The following JMJD1C variants were observed in gnomAD, a reference collection of about 807,000 sequenced individuals.
JMJD1C encodes jumonji domain-containing protein 1C.
A neutral mutation model predicts 245.3 loss-of-function variants in JMJD1C; 31 were observed. The observed-to-expected ratio is 0.13, with a 90% CI of 0.09 to 0.17. The LOEUF (loss-of-function observed/expected upper bound fraction) is 0.17. JMJD1C is among the 10% of genes least tolerant of loss of function. The pLI, the probability that JMJD1C is intolerant of heterozygous loss-of-function variation, is 1.00. For missense variants in JMJD1C, 2,691 were observed against 3,000.2 expected, an observed-to-expected ratio of 0.90 and a Z score of 2.41; for synonymous variants, 1,057 against 1,017.4, an observed-to-expected ratio of 1.04 and a Z score of -0.74.
intron 3 of JMJD1C, among the ~76,000 whole-genome samples, chr10:63,244,226 C>A (rs1851877483): frequency 6.6e-6 from 1 of 152,088 alleles, no homozygotes; most frequent in African/African-American, 2.4e-5. Context: ...TCCACAGGTA[C>A]CCGAGGCACA....
chr10:63,232,147 C>T (rs186401799), intron 3 of JMJD1C, among the ~76,000 whole-genome samples: 4 of 152,164 alleles, frequency 2.6e-5, no homozygotes, highest in African/African-American at 9.6e-5. Flanking sequence ...CTCCTTTACC[C>T]TTAAGGGCTT....
At chr10:63,195,904 G>A (rs1239348761) in intron 13 of JMJD1C, among the ~76,000 whole-genome samples, 3 of 152,068 alleles carry the variant, frequency 2.0e-5, no homozygotes, top group African/African-American at 7.2e-5. Flanking sequence ...ACTCCAGCCT[G>A]GGCAACAGAG....
intron 1 of JMJD1C, among the ~76,000 whole-genome samples, chr10:63,458,893 T>C (rs1952598279): frequency 6.6e-6 from 1 of 152,020 alleles, no homozygotes; most frequent in Non-Finnish European, 1.5e-5. Flanking sequence ...CTGGCTACTT[T>C]TTGTATTTTC....
chr10:63,307,034 C>A (rs1161460275), intron 2 of JMJD1C, among the ~76,000 whole-genome samples: 2 of 152,102 alleles, frequency 1.3e-5, no homozygotes, highest in Admixed American at 6.5e-5. Context: ...TAATTAAAAA[C>A]CATTTTTCTG....
intron 2 of JMJD1C, among the ~76,000 whole-genome samples, chr10:63,284,408 A>C (rs904433864): frequency 6.6e-6 from 1 of 152,130 alleles, no homozygotes; most frequent in African/African-American, 2.4e-5. Context: ...ACTGTCATTC[A>C]TTCTGAAGAA....
At chr10:63,272,906 A>G (rs948884697) in intron 2 of JMJD1C, among the ~76,000 whole-genome samples, 1 of 152,210 alleles carries the variant, frequency 6.6e-6, no homozygotes, top group Non-Finnish European at 1.5e-5. Context: ...AGTCCCTTAC[A>G]GAATCATATA....
At chr10:63,383,031 T>G (rs1947334272) in intron 1 of JMJD1C, among the ~76,000 whole-genome samples, 1 of 151,676 alleles carries the variant, frequency 6.6e-6, no homozygotes, top group Admixed American at 6.6e-5. Context: ...TCACTTAAGG[T>G]AGAACTGTTC....
At chr10:63,209,548 G>A (rs1169313541) in intron 8 of JMJD1C, among the ~76,000 whole-genome samples, 1 of 152,046 alleles carries the variant, frequency 6.6e-6, no homozygotes, top group Non-Finnish European at 1.5e-5. Context: ...TAGTTTATAT[G>A]ATTTCCTGAT....
rs144397710 is a variant in JMJD1C at position 63,181,302 on chromosome 10, C to T, written c.7084+2145G>A. ...GACATTTTTCCTTTAAATTTTACTG[C>T]TCTGCAAATTAAAATAACAAGTACA... On this transcript the variant is annotated intron_variant, in intron 22 of 25. Transcript: ENST00000399262. 3.4e-4 allele frequency among the ~76,000 whole-genome samples: 51 copies of T among 152,216 alleles called. No individual in the cohort carries two copies. In the East Asian group the frequency reaches 7.7e-3, roughly 23 times the overall value.
At chr10:63,493,249 CTTTTTTTTTTTTTT>C (rs752941477) in intron 1 of JMJD1C, among the ~76,000 whole-genome samples, 1 of 49,136 alleles carries the variant, frequency 2.0e-5, no homozygotes, top group African/African-American at 8.6e-5. Context: ...ACTGTTATTT[CTTTTTTTTTTTTTT>C]TTTTTTTTTT....
chr10:63,189,709 G>C (rs1415166676), intron 17 of JMJD1C, among the ~76,000 whole-genome samples: 1 of 152,012 alleles, frequency 6.6e-6, no homozygotes, highest in Admixed American at 6.6e-5. Context: ...CAAGTAGGTG[G>C]CATCCCTCAT....
intron 1 of JMJD1C, among the ~76,000 whole-genome samples, chr10:63,486,137 T>TAAAAAA (rs1166721473): frequency 1.8e-3 from 131 of 73,256 alleles, no homozygotes; most frequent in African/African-American, 5.4e-3. Flanking sequence ...CAAGCAATTG[T>TAAAAAA]AAAAAAAAAA....
intron 1 of JMJD1C, among the ~76,000 whole-genome samples, chr10:63,422,296 C>T (rs1950172148): frequency 6.6e-6 from 1 of 152,234 alleles, no homozygotes; most frequent in Non-Finnish European, 1.5e-5. Context: ...CCTGTAATCC[C>T]AGCTACTTGG....
At chr10:63,480,710 C>A (rs768406634) in intron 1 of JMJD1C, among the ~76,000 whole-genome samples, 3 of 151,658 alleles carry the variant, frequency 2.0e-5, no homozygotes, top group Non-Finnish European at 4.4e-5. Flanking sequence ...ACAGAAAGCA[C>A]TGTGGATGCA....
intron 2 of JMJD1C, chr10:63,268,838 C>T (rs1447909421): frequency 2.0e-6 from 2 of 985,636 alleles, no homozygotes; most frequent in Non-Finnish European, 2.4e-6. Flanking sequence ...CATTTCTGAG[C>T]TCACTTGCAG....
intron 2 of JMJD1C, among the ~76,000 whole-genome samples, chr10:63,320,982 A>G (rs1940784262): frequency 6.6e-6 from 1 of 152,190 alleles, no homozygotes; most frequent in South Asian, 2.1e-4. Flanking sequence ...TTGATCAACA[A>G]TGGCCAATTA....
intron 2 of JMJD1C, among the ~76,000 whole-genome samples, chr10:63,305,112 T>C (rs1937836661): frequency 6.6e-6 from 1 of 151,922 alleles, no homozygotes; most frequent in Non-Finnish European, 1.5e-5. Context: ...CTCACACCTG[T>C]AATCCCAATA....
chr10:63,446,859 C>G (rs1217072575), intron 1 of JMJD1C, among the ~76,000 whole-genome samples: 1 of 152,082 alleles, frequency 6.6e-6, no homozygotes, highest in East Asian at 1.9e-4. Context: ...AGTCAACAAA[C>G]TGGGGACAAT....
chr10:63,306,345 C>T (rs1208836408), intron 2 of JMJD1C, among the ~76,000 whole-genome samples: 1 of 152,182 alleles, frequency 6.6e-6, no homozygotes, highest in East Asian at 1.9e-4. Context: ...CCGTCTTGGC[C>T]TCCCAAAGTA....
Sources: allele counts gnomAD v4.1 joint callset (sites outside exome capture counted in the v4.1 genomes callset), GRCh38; gene constraint gnomAD v4.1.1; transcripts MANE v1.5; gene names NCBI Gene and HGNC (gene_info 2026-07-23, HGNC 2026-07-21).